The following LCMT1 variants were observed in gnomAD, a reference collection of about 807,000 sequenced individuals.
The protein encoded by LCMT1 is leucine carboxyl methyltransferase 1.
A neutral mutation model predicts 47.7 loss-of-function variants in LCMT1; 32 were observed. The ratio of observed to expected loss-of-function variants is 0.67; its 90% CI spans 0.51 to 0.90. LCMT1 has a LOEUF of 0.90. LCMT1 is among the 40% of genes least tolerant of loss of function. The pLI, the probability that LCMT1 is intolerant of heterozygous loss-of-function variation, is 0.00. For synonymous variants in LCMT1, 152 were observed against 149.7 expected (o/e 1.02, Z -0.11); for missense variants, 375 against 415.2 (o/e 0.90, Z 0.84).
intron 4 of LCMT1, chr16:25,144,348 T>C (rs1960786288): frequency 6.6e-6 from 1 of 152,234 alleles, no homozygotes; most frequent in Admixed American, 6.5e-5. Context: ...GGAAGGGCTT[T>C]AGTTTCTGTA....
chr16:25,142,529 G>GC (rs1960725587), intron 4 of LCMT1: 1 of 152,184 alleles, frequency 6.6e-6, no homozygotes, highest in African/African-American at 2.4e-5. Flanking sequence ...GGGGATGATG[G>GC]TAGCACACCC....
intron 3 of LCMT1, among the ~76,000 whole-genome samples, chr16:25,134,893 G>A (rs941190981): frequency 3.9e-5 from 6 of 152,196 alleles, no homozygotes; most frequent in African/African-American, 7.2e-5. Context: ...GAGCCACTAT[G>A]CTCGGCTGAC....
At chr16:25,132,576 G>C in intron 3 of LCMT1, 53 bp downstream of exon 3, 4 of 1,580,072 alleles carry the variant, frequency 2.5e-6, no homozygotes, top group Non-Finnish European at 3.5e-6. Flanking sequence ...TTTTTCGTTA[G>C]ATTTTCACCT....
intron 5 of LCMT1, among the ~76,000 whole-genome samples, chr16:25,154,771 G>A (rs1961201192): frequency 6.6e-6 from 1 of 152,148 alleles, no homozygotes; most frequent in Non-Finnish European, 1.5e-5. Flanking sequence ...ATAGGTGTGA[G>A]CCACTGCACC....
At chr16:25,150,198 A>G (rs1029063555) in intron 4 of LCMT1, among the ~76,000 whole-genome samples, 14 of 147,528 alleles carry the variant, frequency 9.5e-5, no homozygotes, top group Non-Finnish European at 1.8e-4. Context: ...TGCTGCTGTT[A>G]TCCCCTTTTT....
chr16:25,135,828 C>T (rs1960487141), intron 3 of LCMT1, among the ~76,000 whole-genome samples: 1 of 152,034 alleles, frequency 6.6e-6, no homozygotes, highest in African/African-American at 2.4e-5. Flanking sequence ...CAGTTGGTCA[C>T]GCCTGTAATC....
intron 3 of LCMT1, among the ~76,000 whole-genome samples, chr16:25,134,710 C>T (rs1462382391): frequency 4.6e-5 from 7 of 152,206 alleles, no homozygotes; most frequent in Admixed American, 1.3e-4. Flanking sequence ...AAGCAATTCT[C>T]CTGTCTCAGC....
intron 6 of LCMT1, among the ~76,000 whole-genome samples, chr16:25,162,118 C>A (rs868699323): frequency 2.0e-5 from 3 of 152,090 alleles, no homozygotes; most frequent in Non-Finnish European, 4.4e-5. Flanking sequence ...GTTCCACTTT[C>A]GTGGGTGTCT....
rs147866367 is a variant in LCMT1, at chr16:25,141,272, C to T, written c.404+1025C>T. 2.6e-4 allele frequency: 40 copies of T among 152,358 alleles called. 1 individual carries two copies. In the East Asian group the frequency reaches 7.7e-3, roughly 29 times the overall value. 9.4% of individuals were successfully genotyped at this position (152,358 alleles called of 1,614,324 possible). On this transcript the variant is annotated intron_variant, in intron 4 of 10. Coordinates refer to ENST00000399069, the MANE Select transcript of LCMT1 (RefSeq NM_016309.3). Reference sequence around the variant, plus strand: ...CCATGTCATACTTTGTAGGTATCCACTGATGGAGCCCCAGATGGTTTGAGC... The same window carrying T: ...CCATGTCATACTTTGTAGGTATCCATTGATGGAGCCCCAGATGGTTTGAGC...
Position 25,164,840 on chromosome 16 carries a change from TCC to T in LCMT1, c.690+123_690+124del, listed in dbSNP as rs1319421396. The T allele has an allele frequency of 6.1e-6, 8 of 1,305,876 alleles. No individual in the cohort carries two copies. The Admixed American group carries it at 7.2e-5, about 12-fold the overall frequency. The allele number at this position is 1,305,876 out of a possible 1,614,324, so 80.9% of individuals were successfully genotyped here. A position where few individuals can be genotyped will look rare whatever the true frequency, so the allele number is the denominator to read the frequency against. On this transcript the variant is annotated intron_variant, in intron 7 of 10. Transcript: ENST00000399069. ...TTCTGCCTCCAGCCTCTCACATATCTCCTTTATTCACCAACCAGCAATCTTAG... is the reference window on the plus strand; with the variant it reads ...TTCTGCCTCCAGCCTCTCACATATCTTTTATTCACCAACCAGCAATCTTAG...
intron 1 of LCMT1, among the ~76,000 whole-genome samples, chr16:25,120,752 G>GTTTTTTTTTTTTT (rs377043606): frequency 8.7e-6 from 1 of 114,484 alleles, no homozygotes. Flanking sequence ...TTTTTTTTTT[G>GTTTTTTTTTTTTT]TTTTTTTTTT....
intron 4 of LCMT1, chr16:25,143,647 C>G (rs1213606568): frequency 3.3e-5 from 5 of 152,192 alleles, no homozygotes; most frequent in Non-Finnish European, 7.3e-5. Context: ...CCAGTCTTCT[C>G]CCAGATAAGT....
chr16:25,130,821 A>G (rs775517704), intron 2 of LCMT1, among the ~76,000 whole-genome samples: 2 of 152,200 alleles, frequency 1.3e-5, no homozygotes, highest in Non-Finnish European at 2.9e-5. Context: ...CGTAAAGAGA[A>G]GTCTGTATCT....
At chr16:25,153,392 G>T (rs971149386) in intron 5 of LCMT1, among the ~76,000 whole-genome samples, 12 of 152,246 alleles carry the variant, frequency 7.9e-5, no homozygotes, top group African/African-American at 2.9e-4. Flanking sequence ...TTCTTGCCGT[G>T]TCATCCCATG....
At chr16:25,174,757 T>C in intron 9 of LCMT1, 180 bp from the exon 10 acceptor site, 1 of 379,986 alleles carries the variant, frequency 2.6e-6, no homozygotes, top group East Asian at 4.0e-5. Context: ...TTGTTTATGG[T>C]ATTTTTTCTT....
chr16:25,137,778 G>A (rs1012251649), intron 3 of LCMT1, among the ~76,000 whole-genome samples: 1 of 152,122 alleles, frequency 6.6e-6, no homozygotes, highest in African/African-American at 2.4e-5. Context: ...ATCCCAGCCT[G>A]GGTCCCCTGG....
intron 7 of LCMT1, 135 bp from the exon 8 acceptor site, chr16:25,168,977 C>G: frequency 1.5e-6 from 1 of 659,892 alleles, no homozygotes; most frequent in Non-Finnish European, 2.7e-6. Flanking sequence ...GTGCCCGCCC[C>G]TCAGTCCGTT....
intron 6 of LCMT1, among the ~76,000 whole-genome samples, chr16:25,162,515 G>A (rs1408448388): frequency 6.6e-6 from 1 of 151,504 alleles, no homozygotes; most frequent in Non-Finnish European, 1.5e-5. Flanking sequence ...CTTGAACCCA[G>A]GAGGCAGAGG....
chr16:25,169,883 A>AT (rs1477981099), intron 8 of LCMT1, among the ~76,000 whole-genome samples: 2 of 151,804 alleles, frequency 1.3e-5, no homozygotes, highest in African/African-American at 2.4e-5. Context: ...AAAGTCATCT[A>AT]TTTTTTCTCA....
Sources: allele counts gnomAD v4.1 joint callset (sites outside exome capture counted in the v4.1 genomes callset), GRCh38; gene constraint gnomAD v4.1.1; transcripts MANE v1.5; gene names NCBI Gene and HGNC (gene_info 2026-07-23, HGNC 2026-07-21).